Variants in OSBPL5 observed in about 807,000 individuals in gnomAD.
OSBPL5 encodes oxysterol binding protein like 5, also known as oxysterol-binding protein-related protein 5.
Under a neutral mutation model 111.2 loss-of-function variants are expected in OSBPL5, and 71 were observed. The ratio of observed to expected loss-of-function variants is 0.64; its 90% CI spans 0.53 to 0.78. OSBPL5 has a LOEUF of 0.78. OSBPL5 is among the 30% of genes least tolerant of loss of function. The pLI is 0.00. For missense variants in OSBPL5, 1,210 were observed against 1,189.3 expected (o/e 1.02, Z -0.26); for synonymous variants, 549 against 513.9 (o/e 1.07, Z -0.93).
In OSBPL5 at chr11:3,121,611, C is replaced by T. The variant is rs151302683; in HGVS notation, c.402+386G>A. 3.9e-5 allele frequency among the ~76,000 whole-genome samples: 6 copies of T among 152,260 alleles called. No individual in the cohort carries two copies. Among genetic ancestry groups the T allele is most frequent in the African/African-American group, 9.6e-5 (4 of 41,522 alleles). On this transcript the variant is annotated intron_variant, in intron 5 of 21. Transcript: ENST00000263650. The surrounding 1 kb of genome is among the most constrained non-coding windows in gnomAD (Gnocchi z 4.3). ...GAGGCGAGTGAATGGCCACGGTCTC[C>T]GTGAGGTCTGAACACAGGACACCCG...
intron 14 of OSBPL5, among the ~76,000 whole-genome samples, chr11:3,097,009 G>A (rs1857285307): frequency 7.1e-6 from 1 of 140,766 alleles, no homozygotes; most frequent in Non-Finnish European, 1.5e-5. Context: ...GGAAAGAGGG[G>A]GAAGACGGGA....
At chr11:3,160,175 C>T (rs1031811699) in intron 1 of OSBPL5, among the ~76,000 whole-genome samples, 2 of 152,154 alleles carry the variant, frequency 1.3e-5, no homozygotes, top group Non-Finnish European at 2.9e-5. Flanking sequence ...TGAGGTTCAT[C>T]CTGTAAGGAG....
chr11:3,163,529 T>TGGGGGGG (rs199830392), intron 1 of OSBPL5, among the ~76,000 whole-genome samples: 7 of 102,870 alleles, frequency 6.8e-5, no homozygotes, highest in Admixed American at 1.8e-4. Flanking sequence ...AGGGGTTGGG[T>TGGGGGGG]GGGGGGGGCG....
In OSBPL5 at chr11:3,089,830, C is replaced by A; in HGVS notation, c.2501+16G>T. 1 of 1,552,176 alleles carries A rather than the reference C, an allele frequency of 6.4e-7. No homozygotes were observed. The highest frequency in any genetic ancestry group is 8.7e-7 in the Non-Finnish European group (1 of 1,147,550). On this transcript the variant is annotated intron_variant, in intron 21 of 21. Transcript: ENST00000263650. ...TCTGACCCGGAGTCTGGATGGACACCCTGAGTGTGGCCCACCTGTGCAGCT... is the reference window on the plus strand; with the variant it reads ...TCTGACCCGGAGTCTGGATGGACACACTGAGTGTGGCCCACCTGTGCAGCT...
intron 7 of OSBPL5, among the ~76,000 whole-genome samples, chr11:3,114,591 ATTT>A (rs59645003): frequency 4.4e-5 from 5 of 113,904 alleles, no homozygotes; most frequent in Non-Finnish European, 6.8e-5. Context: ...TAGAACAATG[ATTT>A]TTTTTTTTTT....
rs1448152237 is a variant in OSBPL5 at position 3,162,226 on chromosome 11, C to T, written c.-22+2990G>A. Among the ~76,000 whole-genome samples the T allele has an allele frequency of 1.3e-5, 2 of 151,964 alleles. No homozygotes were observed. Among genetic ancestry groups the T allele is most frequent in the East Asian group, 3.9e-4 (2 of 5,178 alleles). On this transcript the variant is annotated intron_variant, in intron 1 of 21. Coordinates refer to ENST00000263650, the MANE Select transcript of OSBPL5 (RefSeq NM_020896.4). The surrounding 1 kb of genome is among the most constrained non-coding windows in gnomAD (Gnocchi z 8.1). ...GCTGATGTGGAGCTCCAGGCAAGAGCTGGTAGGGCCAGGAGGGGAGTGGAG... is the reference window on the plus strand; with the variant it reads ...GCTGATGTGGAGCTCCAGGCAAGAGTTGGTAGGGCCAGGAGGGGAGTGGAG...
intron 1 of OSBPL5, among the ~76,000 whole-genome samples, chr11:3,138,350 C>G (rs926760072): frequency 2.0e-5 from 3 of 152,204 alleles, no homozygotes; most frequent in Non-Finnish European, 2.9e-5. Context: ...CCCAGCTAGA[C>G]CCACCCCACC....
At chr11:3,120,650 G>T in intron 5 of OSBPL5, 26 bp from the exon 6 acceptor site, 1 of 1,606,984 alleles carries the variant, frequency 6.2e-7, no homozygotes. Flanking sequence ...TGGCGTCGAT[G>T]CCCACCCTCT....
At chr11:3,127,688 G>A (rs959204700) in intron 2 of OSBPL5, among the ~76,000 whole-genome samples, 1 of 152,216 alleles carries the variant, frequency 6.6e-6, no homozygotes, top group Non-Finnish European at 1.5e-5. Flanking sequence ...GCCTGTGGCC[G>A]CCAGCAAACT....
At chr11:3,137,213 G>A (rs1845972477) in intron 1 of OSBPL5, among the ~76,000 whole-genome samples, 1 of 152,224 alleles carries the variant, frequency 6.6e-6, no homozygotes, top group Non-Finnish European at 1.5e-5. Context: ...CCTGAGAGCA[G>A]ACAGCAGCAT....
rs962291614 is a variant in OSBPL5, at chr11:3,161,650, T to C, written c.-22+3566A>G. Among the ~76,000 whole-genome samples, 1 of 152,074 alleles carries C rather than the reference T, an allele frequency of 6.6e-6. No homozygotes were observed. The highest frequency in any genetic ancestry group is 2.4e-5 in the African/African-American group (1 of 41,410). Reference sequence around the variant, plus strand: ...ACCAGCGGCACCCACCAGGGACAGATGCCACGCACCAGCGGCGCCCACCAT... The same window carrying C: ...ACCAGCGGCACCCACCAGGGACAGACGCCACGCACCAGCGGCGCCCACCAT... On this transcript the variant is annotated intron_variant, in intron 1 of 21. Coordinates refer to ENST00000263650, the MANE Select transcript of OSBPL5 (RefSeq NM_020896.4). This position sits in a 1 kb window ranked among gnomAD's most constrained non-coding sequence, Gnocchi z 8.0.
intron 7 of OSBPL5, among the ~76,000 whole-genome samples, chr11:3,112,504 T>C (rs1428285579): frequency 6.9e-6 from 1 of 144,498 alleles, no homozygotes; most frequent in African/African-American, 2.6e-5. Context: ...TTGACTAAAG[T>C]AGTTATTGCA....
intron 1 of OSBPL5, among the ~76,000 whole-genome samples, chr11:3,134,030 C>A (rs1258480632): frequency 6.6e-6 from 1 of 152,082 alleles, no homozygotes; most frequent in Admixed American, 6.5e-5. Context: ...CCAGCTCTGC[C>A]CAAGCCTCGG....
chr11:3,134,058 G>A (rs1238930405), intron 1 of OSBPL5, among the ~76,000 whole-genome samples: 1 of 152,124 alleles, frequency 6.6e-6, no homozygotes, highest in Non-Finnish European at 1.5e-5. Flanking sequence ...AAGGGTGCAG[G>A]CCTGGAGCTC....
intron 1 of OSBPL5, among the ~76,000 whole-genome samples, chr11:3,151,041 C>A (rs1846567150): frequency 6.6e-6 from 1 of 152,176 alleles, no homozygotes; most frequent in African/African-American, 2.4e-5. Context: ...GTATGGGGTC[C>A]TCATCCAATG....
intron 10 of OSBPL5, among the ~76,000 whole-genome samples, chr11:3,103,868 C>CTTCCTGCCTCTGTAGCCCCA (rs1162334624): frequency 1.5e-4 from 10 of 64,740 alleles, no homozygotes; most frequent in Non-Finnish European, 3.0e-4. Context: ...GCGCAGCCCC[C>CTTCCTGCCTCTGTAGCCCCA]TTCCTGCCTC....
rs1447190632 is a variant in OSBPL5 at position 3,092,561 on chromosome 11, G to A, written c.2133-3C>T. 13 of 1,586,668 alleles carry A rather than the reference G, an allele frequency of 8.2e-6. No homozygotes were observed. Among genetic ancestry groups the A allele is most frequent in the Middle Eastern group, 1.7e-4 (1 of 6,034 alleles). On this transcript the variant is annotated splice_polypyrimidine_tract_variant and splice_region_variant and intron_variant, in intron 18 of 21. Coordinates refer to ENST00000263650, the MANE Select transcript of OSBPL5 (RefSeq NM_020896.4). This position sits in a 1 kb window ranked among gnomAD's most constrained non-coding sequence, Gnocchi z 5.4. The stretch of plus-strand genomic sequence containing the variant: ...TCAGGGGGTCCCAGGGGCTGTGGCT[G>A]GAGGGTCCAGAGGGCGTTCATCAGC...
Position 3,104,629 on chromosome 11 carries a change from C to T in OSBPL5, c.1060-252G>A, listed in dbSNP as rs1857633591. On this transcript the variant is annotated intron_variant, in intron 9 of 21. Transcript: ENST00000263650. This position sits in a 1 kb window ranked among gnomAD's most constrained non-coding sequence, Gnocchi z 5.0. ...CCCGCTCCTGTCTCTGCTCCTTGCC[C>T]AGGGACCCCATGCCCTGCCCTCCTC... 6.6e-6 allele frequency among the ~76,000 whole-genome samples: 1 copy of T among 152,152 alleles called. No homozygotes were observed. The highest frequency in any genetic ancestry group is 2.1e-4 in the South Asian group (1 of 4,830).
In OSBPL5 at chr11:3,100,260, C is replaced by A; in HGVS notation, c.1523-4G>T. The A allele has an allele frequency of 6.2e-7, 1 of 1,613,710 alleles. No individual in the cohort carries two copies. The highest frequency in any genetic ancestry group is 1.1e-5 in the South Asian group (1 of 91,056). On this transcript the variant is annotated splice_region_variant and splice_polypyrimidine_tract_variant and intron_variant, in intron 13 of 21. Transcript: ENST00000263650. ...AGCAGCGCCGACAGCGAGTTCCCTG[C>A]AGAGACAAGAGACAGCAGGACCAGT...
Sources: allele counts gnomAD v4.1 joint callset (sites outside exome capture counted in the v4.1 genomes callset), GRCh38; gene constraint gnomAD v4.1.1; non-coding constraint Gnocchi (gnomAD v3.1); transcripts MANE v1.5; gene names NCBI Gene and HGNC (gene_info 2026-07-23, HGNC 2026-07-21).